UTRN: variants seen among roughly 807,000 people sequenced by gnomAD.
UTRN encodes the protein utrophin.
UTRN carries 283 observed loss-of-function variants against 463.9 expected under a neutral mutation model. That is an observed-to-expected ratio of 0.61 (90% confidence interval 0.55 to 0.67). The LOEUF is 0.67. Among genes scored for constraint, UTRN ranks in the 30% least tolerant of loss-of-function variants. UTRN has a pLI of 0.00. For synonymous variants in UTRN, 1,442 were observed against 1,431.5 expected (o/e 1.01, Z -0.17); for missense variants, 3,922 against 4,084.3 (o/e 0.96, Z 1.08).
intron 69 of UTRN, among the ~76,000 whole-genome samples, chr6:144,831,600 G>A (rs1039374136): frequency 5.9e-5 from 9 of 152,174 alleles, no homozygotes; most frequent in African/African-American, 1.9e-4. Flanking sequence ...AGATACATGA[G>A]TACGTTCGAT....
chr6:144,823,406 T>C (rs2128754023), intron 66 of UTRN, among the ~76,000 whole-genome samples: 1 of 152,284 alleles, frequency 6.6e-6, no homozygotes, highest in African/African-American at 2.4e-5. Flanking sequence ...AATAAAAAAG[T>C]TTGATTTTGT....
At chr6:144,828,914 C>G in intron 69 of UTRN, 59 bp downstream of exon 69, 5 of 1,564,006 alleles carry the variant, frequency 3.2e-6, no homozygotes, top group Non-Finnish European at 4.4e-6. Flanking sequence ...TTATGGCTGT[C>G]AGAAACAATC....
chr6:144,660,225 ATGAT>A, intron 51 of UTRN: 1 of 471,222 alleles, frequency 2.1e-6, no homozygotes, highest in Non-Finnish European at 4.4e-6. Flanking sequence ...CTACTGGACA[ATGAT>A]TGGTCTGAAC....
At chr6:144,344,103 A>C (rs1211336959) in intron 2 of UTRN, 18 of 1,169,848 alleles carry the variant, frequency 1.5e-5, no homozygotes, top group Middle Eastern at 3.8e-4. Context: ...AAAAAAAAAA[A>C]AAAAAAACCC....
chr6:144,367,159 A>G (rs982331825), intron 2 of UTRN, among the ~76,000 whole-genome samples: 4 of 151,786 alleles, frequency 2.6e-5, no homozygotes, highest in African/African-American at 9.7e-5. Flanking sequence ...AATTTTTTGT[A>G]TTTTTAGTAG....
chr6:144,678,635 G>T, intron 52 of UTRN, 57 bp downstream of exon 52: 1 of 1,435,522 alleles, frequency 7.0e-7, no homozygotes, highest in South Asian at 1.5e-5. Context: ...AGATACTTGT[G>T]ATTTTTGTAT....
chr6:144,827,428 A>G, intron 67 of UTRN, 42 bp downstream of exon 67: 1 of 1,612,288 alleles, frequency 6.2e-7, no homozygotes, highest in South Asian at 1.1e-5. Flanking sequence ...TGTTCTGATC[A>G]GTGGTACTAG....
chr6:144,811,105 G>T (rs889322045), intron 65 of UTRN, among the ~76,000 whole-genome samples: 4 of 151,726 alleles, frequency 2.6e-5, no homozygotes, highest in Non-Finnish European at 1.5e-5. Flanking sequence ...AAGATAAATT[G>T]TGCCTTTTTT....
intron 52 of UTRN, among the ~76,000 whole-genome samples, chr6:144,679,234 A>G (rs957495488): frequency 6.6e-6 from 1 of 152,170 alleles, no homozygotes; most frequent in African/African-American, 2.4e-5. Flanking sequence ...CTGACTAGGA[A>G]AAGACCTTGA....
chr6:144,390,264 C>A (rs1021889902), intron 2 of UTRN, among the ~76,000 whole-genome samples: 1 of 152,168 alleles, frequency 6.6e-6, no homozygotes, highest in Non-Finnish European at 1.5e-5. Flanking sequence ...CTCTTCAATT[C>A]AATACCTATT....
In UTRN at chr6:144,851,173, A is replaced by ATTT. The variant is rs1407051264; in HGVS notation, c.*178_*180dup. On this transcript the variant is annotated 3_prime_UTR_variant, in exon 75 of 75. Coordinates refer to ENST00000367545, the MANE Select transcript of UTRN (RefSeq NM_007124.3). The stretch of plus-strand genomic sequence containing the variant: ...ACTGACTATCCAAAGAGAAATGGAT[A>ATTT]TTTTGTTTTTATAATAACCATATAT... The ATTT allele has an allele frequency of 1.3e-6, 1 of 776,442 alleles. No individual in the cohort carries two copies. The highest frequency in any genetic ancestry group is 2.1e-6 in the Non-Finnish European group (1 of 467,134). 48.1% of individuals were successfully genotyped at this position (776,442 alleles called of 1,614,324 possible).
At chr6:144,336,221 G>C (rs1776708003) in intron 2 of UTRN, among the ~76,000 whole-genome samples, 1 of 152,196 alleles carries the variant, frequency 6.6e-6, no homozygotes, top group Non-Finnish European at 1.5e-5. Flanking sequence ...GGTAGGGAAA[G>C]TGTTGCCTCA....
intron 52 of UTRN, among the ~76,000 whole-genome samples, chr6:144,694,824 T>G (rs911008165): frequency 2.0e-5 from 3 of 152,108 alleles, no homozygotes; most frequent in Non-Finnish European, 4.4e-5. Flanking sequence ...TTATTTCATT[T>G]TTTTTCAAAA....
chr6:144,404,601 A>G (rs1321324589), intron 3 of UTRN, among the ~76,000 whole-genome samples: 1 of 152,234 alleles, frequency 6.6e-6, no homozygotes, highest in Non-Finnish European at 1.5e-5. Flanking sequence ...TAGCAGCTTA[A>G]TTTAGTCTTT....
At chr6:144,611,109 A>G (rs754502267) in intron 51 of UTRN, among the ~76,000 whole-genome samples, 3 of 152,220 alleles carry the variant, frequency 2.0e-5, no homozygotes, top group Non-Finnish European at 2.9e-5. Flanking sequence ...TACAAAAACC[A>G]TATGTTCATC....
chr6:144,314,937 C>T (rs928074971), intron 2 of UTRN, among the ~76,000 whole-genome samples: 7 of 148,878 alleles, frequency 4.7e-5, no homozygotes, highest in African/African-American at 1.3e-4. Flanking sequence ...TATATATATA[C>T]CTCTCTCTAT....
At chr6:144,363,615 A>C (rs1779259259) in intron 2 of UTRN, among the ~76,000 whole-genome samples, 1 of 152,220 alleles carries the variant, frequency 6.6e-6, no homozygotes, top group Non-Finnish European at 1.5e-5. Context: ...TAAAACAAAC[A>C]AGAAAACAAA....
chr6:144,754,840 A>G, intron 57 of UTRN, 42 bp downstream of exon 57: 1 of 1,573,822 alleles, frequency 6.4e-7, no homozygotes, highest in Non-Finnish European at 8.7e-7. Context: ...AATTGAATGA[A>G]TTAGCATTTT....
chr6:144,630,674 G>A (rs1412919551), intron 51 of UTRN, among the ~76,000 whole-genome samples: 3 of 151,504 alleles, frequency 2.0e-5, no homozygotes. Flanking sequence ...TACAAAACAG[G>A]TCATTAATAA....
Sources: allele counts gnomAD v4.1 joint callset (sites outside exome capture counted in the v4.1 genomes callset), GRCh38; gene constraint gnomAD v4.1.1; transcripts MANE v1.5; gene names NCBI Gene and HGNC (gene_info 2026-07-23, HGNC 2026-07-21).